UBR1: variants seen among roughly 807,000 people sequenced by gnomAD.
The protein encoded by UBR1 is ubiquitin protein ligase E3 component n-recognin 1, also known as E3 ubiquitin-protein ligase UBR1.
In UBR1, 102 loss-of-function variants were observed where a neutral mutation model predicts 242.1. The ratio of observed to expected loss-of-function variants is 0.42; its 90% CI spans 0.36 to 0.50. The LOEUF (loss-of-function observed/expected upper bound fraction) is 0.50. UBR1 is among the 20% of genes least tolerant of loss of function. The pLI, the probability that UBR1 is intolerant of heterozygous loss-of-function variation, is 0.01. For missense variants in UBR1, 1,772 were observed against 2,101.8 expected (o/e 0.84, Z 3.07); for synonymous variants, 675 against 684.8 (o/e 0.99, Z 0.22).
At chr15:43,015,417 G>C (rs530932296) in intron 29 of UBR1, among the ~76,000 whole-genome samples, 2 of 152,170 alleles carry the variant, frequency 1.3e-5, no homozygotes, top group African/African-American at 4.8e-5. Context: ...TGCAAGATGT[G>C]CTTTGTTAAA....
At chr15:43,092,217 A>G (rs1359379326) in intron 1 of UBR1, 3 of 292,024 alleles carry the variant, frequency 1.0e-5, no homozygotes, top group Non-Finnish European at 2.1e-5. Flanking sequence ...TTTATCCCTC[A>G]AGGCCCAGCT....
At chr15:43,101,724 T>C (rs1408267912) in intron 1 of UBR1, among the ~76,000 whole-genome samples, 1 of 151,750 alleles carries the variant, frequency 6.6e-6, no homozygotes, top group Non-Finnish European at 1.5e-5. Flanking sequence ...CCCAGCAATT[T>C]GGGAGGCTGA....
intron 37 of UBR1, among the ~76,000 whole-genome samples, chr15:42,979,341 G>A (rs1455539378): frequency 6.6e-6 from 1 of 151,538 alleles, no homozygotes; most frequent in African/African-American, 2.4e-5. Flanking sequence ...GCCTGGCCAT[G>A]TAACTAGATC....
At position 43,060,036 on chromosome 15, in the gene UBR1, T is replaced by G. The variant is rs2033664248; in HGVS notation, c.861+16A>C. ...CATCTTTAACTTCTCTTTTTCCCCCTAATTCAGAAAGTTACCTTTATATCT... is the reference window on the plus strand; with the variant it reads ...CATCTTTAACTTCTCTTTTTCCCCCGAATTCAGAAAGTTACCTTTATATCT... On this transcript the variant is annotated intron_variant, in intron 7 of 46. Coordinates refer to ENST00000290650, the MANE Select transcript of UBR1 (RefSeq NM_174916.3). 1 of 1,613,642 alleles carries G rather than the reference T, an allele frequency of 6.2e-7. No homozygotes were observed. The highest frequency in any genetic ancestry group is 8.5e-7 in the Non-Finnish European group (1 of 1,179,536).
chr15:42,972,216 C>G (rs1159530522), intron 39 of UBR1, among the ~76,000 whole-genome samples: 4 of 152,176 alleles, frequency 2.6e-5, no homozygotes, highest in Admixed American at 2.0e-4. Context: ...AATCACTAAT[C>G]CTTTCACTGA....
intron 44 of UBR1, among the ~76,000 whole-genome samples, chr15:42,953,427 C>A (rs990727877): frequency 6.6e-6 from 1 of 152,154 alleles, no homozygotes; most frequent in East Asian, 1.9e-4. Context: ...GTACTGACAG[C>A]CTTTTTTCTG....
intron 42 of UBR1, among the ~76,000 whole-genome samples, chr15:42,963,695 A>G (rs1177018963): frequency 1.8e-5 from 2 of 113,100 alleles, no homozygotes; most frequent in Non-Finnish European, 3.3e-5. Flanking sequence ...AACAGATGAG[A>G]CACCAGCTGT....
Position 43,032,603 on chromosome 15 carries a change from A to G in UBR1, c.2219T>C (p.Ile740Thr). 2.6e-6 allele frequency: 4 copies of G among 1,538,792 alleles called. No homozygotes were observed. The highest frequency in any genetic ancestry group is 2.7e-6 in the Non-Finnish European group (3 of 1,117,250). ...QDLIKQYNTL[I>T]EEMLQVLIYI... ...GATGAGGACCTGAAGCATTTCTTCT[A>G]TTAGTGTATTATATTGTTTAATCAA... Residue 740 changes from isoleucine to threonine, a missense_variant, in exon 20 of 47, where the codon ATA (isoleucine) becomes ACA (threonine). This residue lies in a region of UBR1 where 734 missense variants were observed against 893.3 expected (regional missense o/e 0.82). Transcript: ENST00000290650.
chr15:43,044,549 G>T (rs2033459673), intron 14 of UBR1, among the ~76,000 whole-genome samples: 1 of 152,106 alleles, frequency 6.6e-6, no homozygotes, highest in Non-Finnish European at 1.5e-5. Flanking sequence ...CAGATGATTT[G>T]GAAACATCCC....
chr15:43,008,094 C>A (rs2141290131), intron 29 of UBR1, among the ~76,000 whole-genome samples: 1 of 152,370 alleles, frequency 6.6e-6, no homozygotes, highest in Non-Finnish European at 1.5e-5. Flanking sequence ...TCAATCCTTA[C>A]AATAATCCTA....
At chr15:43,098,409 G>T (rs2141371056) in intron 1 of UBR1, among the ~76,000 whole-genome samples, 2 of 152,280 alleles carry the variant, frequency 1.3e-5, no homozygotes, top group Admixed American at 1.3e-4. Context: ...GCACTGAAAG[G>T]CTTCCTTGAG....
chr15:42,967,624 T>A (rs2032129926), intron 40 of UBR1, among the ~76,000 whole-genome samples: 1 of 152,082 alleles, frequency 6.6e-6, no homozygotes. Context: ...CTTGAGTTAA[T>A]CATAATGTAT....
At chr15:42,988,608 G>A (rs2032510797) in intron 35 of UBR1, 3 of 635,502 alleles carry the variant, frequency 4.7e-6, no homozygotes, top group Non-Finnish European at 8.1e-6. Flanking sequence ...TTTAACTTAT[G>A]TTGCATATGG....
At chr15:43,053,382 T>C (rs985785785) in intron 12 of UBR1, among the ~76,000 whole-genome samples, 5 of 152,178 alleles carry the variant, frequency 3.3e-5, no homozygotes, top group African/African-American at 4.8e-5. Context: ...ACAGTAATGA[T>C]AGCCATGGTA....
rs559740290 is a variant in UBR1 at position 43,004,471 on chromosome 15, C to A, written c.3416-541G>T. Among the ~76,000 whole-genome samples, 121 of 152,210 alleles carry A rather than the reference C, an allele frequency of 7.9e-4. 1 individual carries two copies. The highest frequency in any genetic ancestry group is 1.8e-3 in the Admixed American group (27 of 15,286). On this transcript the variant is annotated intron_variant, in intron 30 of 46. Coordinates refer to ENST00000290650, the MANE Select transcript of UBR1 (RefSeq NM_174916.3). ...CTGCCGCCATCTCGGCTCACTGCAA[C>A]CTCCCTGCCTGATTCTCCTGCCTCA...
chr15:43,037,932 T>C lies in UBR1; in HGVS notation c.1912-49A>G, dbSNP rs368645917. 27 of 1,528,220 alleles carry C rather than the reference T, an allele frequency of 1.8e-5. No homozygotes were observed. In the African/African-American group the frequency reaches 3.1e-4, roughly 18 times the overall value. The allele number at this position is 1,528,220 out of a possible 1,614,324, so 94.7% of individuals were successfully genotyped here. ...TATCATTTCTCACAGAGCTTAGATG[T>C]GTCTCCAAGTTATGCCACTACATAT... On this transcript the variant is annotated intron_variant, in intron 16 of 46. Coordinates refer to ENST00000290650, the MANE Select transcript of UBR1 (RefSeq NM_174916.3).
intron 20 of UBR1, 98 bp from the exon 21 acceptor site, chr15:43,030,166 A>T: frequency 7.3e-7 from 1 of 1,366,568 alleles, no homozygotes; most frequent in Non-Finnish European, 1.0e-6. Flanking sequence ...CACTGCATTA[A>T]ATTAAATCTG....
At chr15:43,093,942 G>A (rs1222581396) in intron 1 of UBR1, among the ~76,000 whole-genome samples, 2 of 151,384 alleles carry the variant, frequency 1.3e-5, no homozygotes, top group Non-Finnish European at 2.9e-5. Context: ...TAACTATTAC[G>A]TCTCTCATTT....
rs758623165 is a variant in UBR1 at position 42,990,029 on chromosome 15, C to G, written c.3848+1G>C. 1.2e-6 allele frequency: 2 copies of G among 1,603,330 alleles called. No homozygotes were observed. The highest frequency in any genetic ancestry group is 1.3e-5 in the African/African-American group (1 of 74,656). On this transcript the variant is annotated splice_donor_variant, in intron 34 of 46. Coordinates refer to ENST00000290650, the MANE Select transcript of UBR1 (RefSeq NM_174916.3). LOFTEE classifies it high-confidence loss of function. ...GTTCTCTTAACTATTTAGATACTTA[C>G]GAAGACTCAACGCCAAAACTCAGGA... is the stretch of plus-strand genomic sequence containing the variant.
Sources: allele counts gnomAD v4.1 joint callset (sites outside exome capture counted in the v4.1 genomes callset), GRCh38; gene constraint gnomAD v4.1.1; regional missense constraint gnomAD v4.1.1; transcripts MANE v1.5; gene names NCBI Gene and HGNC (gene_info 2026-07-23, HGNC 2026-07-21).